KAZN: variants seen among roughly 807,000 people sequenced by gnomAD.
KAZN encodes the protein kazrin.
Under a neutral mutation model 87.4 loss-of-function variants are expected in KAZN, and 40 were observed. The ratio of observed to expected loss-of-function variants is 0.46; its 90% CI spans 0.36 to 0.60. The LOEUF (loss-of-function observed/expected upper bound fraction) is 0.60, where lower values mean the gene tolerates loss of function less well. Among genes scored for constraint, KAZN ranks in the 20% least tolerant of loss-of-function variants. The pLI, the probability that KAZN is intolerant of heterozygous loss-of-function variation, is 0.00. For synonymous variants in KAZN, 466 were observed against 458.3 expected, an observed-to-expected ratio of 1.02 and a Z score of -0.22; for missense variants, 898 against 1,073.9, an observed-to-expected ratio of 0.84 and a Z score of 2.29.
chr1:14,795,914 C>T (rs970229866), intron 1 of KAZN, among the ~76,000 whole-genome samples: 1 of 152,204 alleles, frequency 6.6e-6, no homozygotes, highest in African/African-American at 2.4e-5. Flanking sequence ...AGGAAACCCT[C>T]ACCGGCACCC....
chr1:14,536,938 C>T (rs1014344149), intron 2 of KAZN, among the ~76,000 whole-genome samples: 2 of 152,070 alleles, frequency 1.3e-5, no homozygotes, highest in Non-Finnish European at 2.9e-5. Flanking sequence ...CTTTGGTTCT[C>T]TCTTCCTTCC....
chr1:14,839,910 G>C (rs1329068041), intron 1 of KAZN, among the ~76,000 whole-genome samples: 1 of 152,122 alleles, frequency 6.6e-6, no homozygotes, highest in African/African-American at 2.4e-5. Context: ...TCTTTTCTCT[G>C]GGTTGCAATA....
chr1:14,637,747 G>GA (rs376235997), intron 1 of KAZN, among the ~76,000 whole-genome samples: 60 of 151,316 alleles, frequency 4.0e-4, no homozygotes, highest in South Asian at 8.3e-4. Context: ...CCTAAAAAAA[G>GA]AAAAAAAATA....
chr1:14,575,392 A>C (rs566357752), intron 2 of KAZN, among the ~76,000 whole-genome samples: 3 of 152,186 alleles, frequency 2.0e-5, no homozygotes, highest in South Asian at 2.1e-4. Context: ...AGAGAATGAG[A>C]GCCAAGAGAA....
At chr1:15,004,158 G>A (rs1668776998) in intron 2 of KAZN, among the ~76,000 whole-genome samples, 1 of 152,198 alleles carries the variant, frequency 6.6e-6, no homozygotes, top group Admixed American at 6.5e-5. Context: ...TCATGGTGCT[G>A]TCTGGATGAG....
chr1:14,073,929 T>G (rs1643345189), intron 1 of KAZN, among the ~76,000 whole-genome samples: 1 of 152,198 alleles, frequency 6.6e-6, no homozygotes, highest in Non-Finnish European at 1.5e-5. Flanking sequence ...ATGGGATTGC[T>G]GGGTCAAATG....
rs146211454 is a variant in KAZN at position 14,737,383 on chromosome 1, A to T, written c.226+138160A>T. On this transcript the variant is annotated intron_variant, in intron 1 of 14. Transcript: ENST00000376030. ...GGGATCCTCCACGGTATGCACAGAG[A>T]AGTAAAGAGATCCAGCTTCCAGGAA... Among the ~76,000 whole-genome samples the T allele has an allele frequency of 5.3e-5, 8 of 152,290 alleles. No homozygotes were observed. In the East Asian group the frequency reaches 1.4e-3, roughly 26 times the overall value.
chr1:14,017,957 G>A (rs532304097), intron 1 of KAZN, among the ~76,000 whole-genome samples: 43 of 152,256 alleles, frequency 2.8e-4, no homozygotes, highest in African/African-American at 9.9e-4. Flanking sequence ...AACAGCTGAC[G>A]TTTACTAAGC....
intron 2 of KAZN, among the ~76,000 whole-genome samples, chr1:14,262,458 T>C (rs1571171325): frequency 6.6e-6 from 1 of 152,352 alleles, no homozygotes; most frequent in Non-Finnish European, 1.5e-5. Flanking sequence ...AGTTTATAAC[T>C]TTCTACATGT....
chr1:14,749,185 G>A (rs1465586689), intron 1 of KAZN, among the ~76,000 whole-genome samples: 2 of 152,142 alleles, frequency 1.3e-5, no homozygotes, highest in Non-Finnish European at 2.9e-5. Context: ...CATCCACTGA[G>A]ACCTGTTTCA....
intron 1 of KAZN, among the ~76,000 whole-genome samples, chr1:14,076,838 T>C (rs1643478617): frequency 6.6e-6 from 1 of 152,136 alleles, no homozygotes; most frequent in South Asian, 2.1e-4. Context: ...TGTGAGCTGG[T>C]TGTGGGGCCC....
At chr1:14,811,468 C>T (rs1487588440) in intron 1 of KAZN, among the ~76,000 whole-genome samples, 1 of 152,206 alleles carries the variant, frequency 6.6e-6, no homozygotes, top group Non-Finnish European at 1.5e-5. Flanking sequence ...AATTAAATGC[C>T]TTGTGCAACA....
At chr1:14,681,574 ATAAAATT>A (rs1047155223) in intron 1 of KAZN, among the ~76,000 whole-genome samples, 2 of 136,924 alleles carry the variant, frequency 1.5e-5, no homozygotes, top group Admixed American at 1.5e-4. Context: ...TAGACATAAC[ATAAAATT>A]TGCCATTTTA....
intron 1 of KAZN, among the ~76,000 whole-genome samples, chr1:14,878,294 A>T (rs1299634087): frequency 1.3e-5 from 2 of 151,756 alleles, no homozygotes; most frequent in African/African-American, 4.8e-5. Context: ...GGAGTTAAAC[A>T]TTAACAGTTC....
At position 14,996,651 on chromosome 1, in the gene KAZN, G is replaced by A. The variant is rs1357296264; in HGVS notation, c.418+35776G>A. On this transcript the variant is annotated intron_variant, in intron 2 of 14. Coordinates refer to ENST00000376030, the MANE Select transcript of KAZN (RefSeq NM_201628.3). The surrounding 1 kb of genome is among the most constrained non-coding windows in gnomAD (Gnocchi z 5.9). ...CAGATCTGACAAGATCAGGATCTGG[G>A]TCTGTGAGAGGCCCTGTGTCCCCTA... Among the ~76,000 whole-genome samples, 2 of 152,184 alleles carry A rather than the reference G, an allele frequency of 1.3e-5. No homozygotes were observed. Among genetic ancestry groups the A allele is most frequent in the Non-Finnish European group, 2.9e-5 (2 of 68,022 alleles).
At chr1:14,157,289 C>T (rs943653640) in intron 1 of KAZN, among the ~76,000 whole-genome samples, 2 of 152,120 alleles carry the variant, frequency 1.3e-5, no homozygotes, top group African/African-American at 4.8e-5. Flanking sequence ...ATCACAGTTA[C>T]AGTGTTATAA....
At chr1:14,116,414 A>G (rs1164544499) in intron 1 of KAZN, among the ~76,000 whole-genome samples, 1 of 152,212 alleles carries the variant, frequency 6.6e-6, no homozygotes, top group African/African-American at 2.4e-5. Flanking sequence ...TCTTGGCTTC[A>G]GAGGGTGCAA....
At chr1:14,715,987 T>G (rs980592149) in intron 1 of KAZN, among the ~76,000 whole-genome samples, 1 of 152,150 alleles carries the variant, frequency 6.6e-6, no homozygotes, top group Non-Finnish European at 1.5e-5. Flanking sequence ...TCAACTGTGG[T>G]CAGCAAATAA....
At chr1:14,151,304 A>AT (rs1009882090) in intron 1 of KAZN, among the ~76,000 whole-genome samples, 47 of 151,076 alleles carry the variant, frequency 3.1e-4, no homozygotes, top group South Asian at 2.3e-3. Flanking sequence ...TGAACCATGC[A>AT]TTTTTTTTTC....
Sources: allele counts gnomAD v4.1 joint callset (sites outside exome capture counted in the v4.1 genomes callset), GRCh38; gene constraint gnomAD v4.1.1; non-coding constraint Gnocchi (gnomAD v3.1); transcripts MANE v1.5; gene names NCBI Gene and HGNC (gene_info 2026-07-23, HGNC 2026-07-21).